SGF29: variants seen among roughly 807,000 people sequenced by gnomAD.
The protein encoded by SGF29 is SAGA complex associated factor 29, also known as SAGA-associated factor 29.
A neutral mutation model predicts 38.1 loss-of-function variants in SGF29; 15 were observed. The observed-to-expected ratio is 0.39, with a 90% confidence interval of 0.26 to 0.61. The LOEUF is 0.61. Ranked by LOEUF, SGF29 falls within the 20% of genes least tolerant of loss-of-function variation. The probability of loss-of-function intolerance (pLI) is 0.49; values close to 1 mark genes in which losing one functional copy is unlikely to be tolerated. For synonymous variants in SGF29, 151 were observed against 160.8 expected (o/e 0.94, Z 0.46); for missense variants, 184 against 394.6 (o/e 0.47, Z 4.52).
intron 1 of SGF29, among the ~76,000 whole-genome samples, chr16:28,568,597 G>C (rs9928200): frequency 0.019 from 2,902 of 150,930 alleles, 101 homozygotes; most frequent in African/African-American, 0.067. Flanking sequence ...AGGGGTGGTT[G>C]GGGGGGGCTC....
At chr16:28,558,461 G>A (rs1402225183) in intron 1 of SGF29, among the ~76,000 whole-genome samples, 1 of 151,978 alleles carries the variant, frequency 6.6e-6, no homozygotes, top group East Asian at 1.9e-4. Flanking sequence ...GCCTCGCTAT[G>A]TTGACAAGTC....
Position 28,590,576 on chromosome 16 carries a change from C to T in SGF29, c.567-55C>T. The T allele has an allele frequency of 6.2e-7, 1 of 1,612,618 alleles. No individual in the cohort carries two copies. Among genetic ancestry groups the T allele is most frequent in the South Asian group, 1.1e-5 (1 of 91,020 alleles). On this transcript the variant is annotated intron_variant, in intron 7 of 9. Coordinates refer to ENST00000317058, the MANE Select transcript of SGF29 (RefSeq NM_138414.3). This position sits in a 1 kb window ranked among gnomAD's most constrained non-coding sequence, Gnocchi z 8.2. Reference sequence around the variant, plus strand: ...CCAGGTCCTCCCCCATCCTCACTCCCCAACAGGTACTGCGCCCCTGGCTGC... The same window carrying T: ...CCAGGTCCTCCCCCATCCTCACTCCTCAACAGGTACTGCGCCCCTGGCTGC...
chr16:28,564,708 C>CGT (rs1555474883), intron 1 of SGF29, among the ~76,000 whole-genome samples: 22 of 50,244 alleles, frequency 4.4e-4, no homozygotes, highest in Admixed American at 2.6e-3. Flanking sequence ...TATATATATA[C>CGT]ATATATATGT....
chr16:28,554,235 G>C (rs1295319237), intron 1 of SGF29, 138 bp downstream of exon 1: 1 of 151,724 alleles, frequency 6.6e-6, no homozygotes, highest in Non-Finnish European at 1.5e-5. Context: ...TGGGCGGGAG[G>C]GGGGCGGGGC....
intron 2 of SGF29, among the ~76,000 whole-genome samples, chr16:28,581,480 C>T (rs549685856): frequency 1.3e-5 from 2 of 152,240 alleles, no homozygotes; most frequent in African/African-American, 4.8e-5. Context: ...ATTTTTAACA[C>T]CCAACAAAAA....
At chr16:28,571,697 G>A (rs2046865832) in intron 1 of SGF29, among the ~76,000 whole-genome samples, 1 of 152,030 alleles carries the variant, frequency 6.6e-6, no homozygotes, top group South Asian at 2.1e-4. Context: ...GTAGCTTGCA[G>A]AAGCCAAGGA....
intron 1 of SGF29, among the ~76,000 whole-genome samples, chr16:28,571,308 T>C (rs1323089625): frequency 6.6e-6 from 1 of 151,976 alleles, no homozygotes; most frequent in Admixed American, 6.6e-5. Context: ...AAATTTCTGT[T>C]GTTGGCCAGG....
intron 1 of SGF29, among the ~76,000 whole-genome samples, chr16:28,566,328 C>T (rs2046836318): frequency 6.6e-6 from 1 of 151,476 alleles, no homozygotes; most frequent in African/African-American, 2.4e-5. Context: ...AGAAAGGCAA[C>T]TTAACCCTGC....
chr16:28,576,028 A>T (rs570528196), intron 1 of SGF29, among the ~76,000 whole-genome samples: 54 of 152,346 alleles, frequency 3.5e-4, no homozygotes, highest in African/African-American at 1.2e-3. Flanking sequence ...GTTGGCGCAA[A>T]TGCAGAGTGG....
chr16:28,588,528 G>A, intron 4 of SGF29: 1 of 385,482 alleles, frequency 2.6e-6, no homozygotes, highest in Non-Finnish European at 5.0e-6. Context: ...TGTTTTTTAT[G>A]TTCTTAAGAC....
At chr16:28,584,892 C>T (rs767017008) in intron 2 of SGF29, 21 bp from the exon 3 acceptor site, 1 of 1,606,952 alleles carries the variant, frequency 6.2e-7, no homozygotes, top group South Asian at 1.1e-5. Context: ...CCGTCATGTC[C>T]TGCTGCTCTT....
chr16:28,560,720 G>T (rs1019906604), intron 1 of SGF29, among the ~76,000 whole-genome samples: 1 of 152,002 alleles, frequency 6.6e-6, no homozygotes, highest in African/African-American at 2.4e-5. Context: ...CCAGCACTTT[G>T]GGAGGCCAAG....
At chr16:28,591,041 G>A in intron 9 of SGF29, 106 bp downstream of exon 9, 1 of 1,370,870 alleles carries the variant, frequency 7.3e-7, no homozygotes, top group South Asian at 1.5e-5. Context: ...CATCTCACAG[G>A]CTCCAAGCTG....
chr16:28,577,669 G>A (rs900468308), intron 1 of SGF29, among the ~76,000 whole-genome samples: 9 of 152,098 alleles, frequency 5.9e-5, no homozygotes, highest in African/African-American at 2.2e-4. Flanking sequence ...TTTATTGTAG[G>A]TGTGAAGTGG....
At chr16:28,581,203 G>A in intron 2 of SGF29, 59 bp downstream of exon 2, 1 of 1,496,270 alleles carries the variant, frequency 6.7e-7, no homozygotes, top group Non-Finnish European at 9.3e-7. Context: ...GCTGAGCCGT[G>A]AAGTGGGGGT....
At chr16:28,565,520 C>T (rs150346025) in intron 1 of SGF29, among the ~76,000 whole-genome samples, 5 of 152,106 alleles carry the variant, frequency 3.3e-5, no homozygotes, top group Non-Finnish European at 4.4e-5. Flanking sequence ...TATTTTGAGA[C>T]GGAGTCTCGC....
chr16:28,573,647 A>T (rs1383242406), intron 1 of SGF29, among the ~76,000 whole-genome samples: 1 of 152,140 alleles, frequency 6.6e-6, no homozygotes, highest in Non-Finnish European at 1.5e-5. Flanking sequence ...CGGAGGGGAG[A>T]TGGAGTTCAG....
intron 1 of SGF29, among the ~76,000 whole-genome samples, chr16:28,562,979 C>G (rs1292136568): frequency 2.0e-5 from 3 of 150,792 alleles, no homozygotes; most frequent in African/African-American, 7.3e-5. Flanking sequence ...GAAGACTCTT[C>G]CACACATAGA....
At chr16:28,572,716 CA>C (rs1259638113) in intron 1 of SGF29, among the ~76,000 whole-genome samples, 2 of 152,152 alleles carry the variant, frequency 1.3e-5, no homozygotes, top group Non-Finnish European at 2.9e-5. Context: ...AGTGGGCAGG[CA>C]GCAAGATCGT....
Sources: allele counts gnomAD v4.1 joint callset (sites outside exome capture counted in the v4.1 genomes callset), GRCh38; gene constraint gnomAD v4.1.1; non-coding constraint Gnocchi (gnomAD v3.1); transcripts MANE v1.5; gene names NCBI Gene and HGNC (gene_info 2026-07-23, HGNC 2026-07-21).